Variants in COP1 observed in about 807,000 individuals in gnomAD.
COP1 encodes COP1 E3 ubiquitin ligase.
A neutral mutation model predicts 101.3 loss-of-function variants in COP1; 24 were observed. The observed-to-expected ratio is 0.24, with a 90% CI of 0.17 to 0.33. The LOEUF (loss-of-function observed/expected upper bound fraction) is 0.33, where lower values mean the gene tolerates loss of function less well. COP1 is among the 10% of genes least tolerant of loss of function. The pLI is 1.00. For missense variants in COP1, 663 were observed against 906.2 expected (o/e 0.73, Z 3.45); for synonymous variants, 347 against 341.9 (o/e 1.01, Z -0.17).
At chr1:175,970,925 G>A (rs1028332622) in intron 18 of COP1, among the ~76,000 whole-genome samples, 1 of 152,164 alleles carries the variant, frequency 6.6e-6, no homozygotes, top group African/African-American at 2.4e-5. Context: ...GTATAAAGAT[G>A]AATATTTGGT....
At chr1:176,024,365 T>C (rs1667313895) in intron 15 of COP1, among the ~76,000 whole-genome samples, 1 of 152,160 alleles carries the variant, frequency 6.6e-6, no homozygotes, top group Non-Finnish European at 1.5e-5. Context: ...CCCATATTAC[T>C]ATAGTATGGG....
intron 18 of COP1, among the ~76,000 whole-genome samples, chr1:175,965,564 T>TG (rs1301276488): frequency 2.6e-4 from 35 of 132,660 alleles, no homozygotes; most frequent in African/African-American, 8.6e-4. Flanking sequence ...TTCACTTATC[T>TG]GGGTTTTTTT....
intron 6 of COP1, among the ~76,000 whole-genome samples, chr1:176,138,393 T>C (rs770019677): frequency 3.2e-4 from 48 of 152,056 alleles, no homozygotes; most frequent in Non-Finnish European, 5.6e-4. Context: ...GACAGTACCA[T>C]TGGAGAAATC....
chr1:175,975,609 A>G (rs1654349149), intron 18 of COP1, among the ~76,000 whole-genome samples: 1 of 152,060 alleles, frequency 6.6e-6, no homozygotes, highest in African/African-American at 2.4e-5. Context: ...AGGGTGTTGC[A>G]TGTTGGTTAG....
At chr1:176,117,669 C>T (rs904252651) in intron 8 of COP1, among the ~76,000 whole-genome samples, 6 of 152,042 alleles carry the variant, frequency 3.9e-5, no homozygotes, top group African/African-American at 1.4e-4. Context: ...CCAAGGCGGG[C>T]GGATCACCTG....
intron 18 of COP1, among the ~76,000 whole-genome samples, chr1:175,958,407 G>C (rs1482955124): frequency 1.3e-5 from 2 of 151,780 alleles, no homozygotes; most frequent in Admixed American, 1.3e-4. Context: ...CAGCTATGAA[G>C]CTAAATATTT....
chr1:176,106,015 G>A (rs1190775659), intron 9 of COP1, among the ~76,000 whole-genome samples: 1 of 151,598 alleles, frequency 6.6e-6, no homozygotes, highest in Non-Finnish European at 1.5e-5. Flanking sequence ...TAGTTTACAG[G>A]TTTGTTTTGT....
At chr1:175,984,619 A>C (rs1656671270) in intron 18 of COP1, among the ~76,000 whole-genome samples, 1 of 152,130 alleles carries the variant, frequency 6.6e-6, no homozygotes, top group African/African-American at 2.4e-5. Context: ...AAAATGGTAG[A>C]TCCACTGACA....
At chr1:176,140,253 C>G (rs1198393397) in intron 6 of COP1, among the ~76,000 whole-genome samples, 1 of 152,056 alleles carries the variant, frequency 6.6e-6, no homozygotes, top group Non-Finnish European at 1.5e-5. Flanking sequence ...AATAATAAAA[C>G]AATTTTTACT....
intron 10 of COP1, 132 bp from the exon 11 acceptor site, chr1:176,081,419 A>T: frequency 1.6e-6 from 1 of 624,050 alleles, no homozygotes; most frequent in Admixed American, 3.6e-5. Flanking sequence ...ACTAAAGACT[A>T]GTTTACACAA....
At chr1:175,955,750 A>C (rs996511751) in intron 18 of COP1, among the ~76,000 whole-genome samples, 59 of 127,416 alleles carry the variant, frequency 4.6e-4, no homozygotes, top group African/African-American at 1.6e-3. Context: ...AAAAGCATGA[A>C]TCATTTAGAG....
At chr1:175,993,599 A>G (rs960842076) in intron 15 of COP1, among the ~76,000 whole-genome samples, 6 of 152,246 alleles carry the variant, frequency 3.9e-5, no homozygotes, top group African/African-American at 1.4e-4. Context: ...TGAAGAATGC[A>G]GAACCCTCAG....
chr1:176,155,137 C>A (rs1012091284), intron 5 of COP1, among the ~76,000 whole-genome samples: 2 of 151,874 alleles, frequency 1.3e-5, no homozygotes, highest in African/African-American at 4.8e-5. Flanking sequence ...GTGTTTAATC[C>A]TCTTCAGATT....
chr1:176,022,080 A>G (rs1025160768), intron 15 of COP1, among the ~76,000 whole-genome samples: 23 of 152,232 alleles, frequency 1.5e-4, no homozygotes, highest in African/African-American at 5.3e-4. Context: ...GTTATTACAT[A>G]CACAAAGCTC....
At chr1:176,119,938 T>C (rs1023891159) in intron 8 of COP1, among the ~76,000 whole-genome samples, 1 of 152,120 alleles carries the variant, frequency 6.6e-6, no homozygotes, top group Admixed American at 6.6e-5. Flanking sequence ...CACTGGGAAA[T>C]AGCAGAGTTA....
At chr1:175,965,762 T>C (rs551036844) in intron 18 of COP1, among the ~76,000 whole-genome samples, 12 of 152,100 alleles carry the variant, frequency 7.9e-5, no homozygotes, top group African/African-American at 2.9e-4. Flanking sequence ...CTAATTTTTG[T>C]ATTTGGAGAC....
chr1:176,042,517 C>A (rs1253525537), intron 14 of COP1, among the ~76,000 whole-genome samples: 2 of 128,648 alleles, frequency 1.6e-5, no homozygotes, highest in African/African-American at 5.9e-5. Context: ...GAGCCGAGAT[C>A]ACCCCACTGC....
chr1:176,045,524 A>G (rs1157499063), intron 12 of COP1, among the ~76,000 whole-genome samples: 1 of 151,420 alleles, frequency 6.6e-6, no homozygotes, highest in Non-Finnish European at 1.5e-5. Context: ...ATTTCCTCAT[A>G]TAATTCTCTT....
chr1:175,993,453 A>G (rs1472980048), intron 15 of COP1, among the ~76,000 whole-genome samples: 1 of 152,228 alleles, frequency 6.6e-6, no homozygotes, highest in African/African-American at 2.4e-5. Context: ...TCTGAGCTAC[A>G]GGAGGAAACT....
Sources: gnomAD v4.1 joint callset for allele counts (sites outside exome capture counted in the v4.1 genomes callset) on GRCh38, gnomAD v4.1.1 for gene constraint, MANE v1.5 for transcripts, NCBI Gene and HGNC (gene_info 2026-07-23, HGNC 2026-07-21) for gene names.